Variants in WDR72 observed in about 807,000 individuals in gnomAD.
The protein encoded by WDR72 is WD repeat domain 72.
Under a neutral mutation model 124.2 loss-of-function variants are expected in WDR72, and 120 were observed. The ratio of observed to expected loss-of-function variants is 0.97; its 90% CI spans 0.83 to 1.12. The LOEUF (loss-of-function observed/expected upper bound fraction) is 1.12, where lower values mean the gene tolerates loss of function less well. Ranked by LOEUF, WDR72 falls within the 50% of genes most tolerant of loss-of-function variation. The pLI is 0.00. For synonymous variants in WDR72, 452 were observed against 441.7 expected (o/e 1.02, Z -0.29); for missense variants, 1,387 against 1,278.8 (o/e 1.08, Z -1.29).
At chr15:53,518,939 G>A (rs1595721774) in intron 19 of WDR72, among the ~76,000 whole-genome samples, 1 of 149,958 alleles carries the variant, frequency 6.7e-6, no homozygotes, top group South Asian at 2.2e-4. Context: ...TCTATTAATG[G>A]CAGAATGCAT....
chr15:53,640,810 A>C (rs17549560), intron 14 of WDR72, among the ~76,000 whole-genome samples: 52,708 of 151,868 alleles, frequency 0.35, 10,542 homozygotes, highest in Middle Eastern at 0.58. Flanking sequence ...CTGTGGCTTA[A>C]GTGTCAATCT....
At chr15:53,708,025 G>A (rs2017432200) in intron 9 of WDR72, among the ~76,000 whole-genome samples, 1 of 152,104 alleles carries the variant, frequency 6.6e-6, no homozygotes, top group Non-Finnish European at 1.5e-5. Flanking sequence ...CATCCCCTCT[G>A]CCTTCACCTT....
At chr15:53,577,667 C>G (rs1484206295) in intron 18 of WDR72, among the ~76,000 whole-genome samples, 1 of 152,058 alleles carries the variant, frequency 6.6e-6, no homozygotes, top group Non-Finnish European at 1.5e-5. Context: ...TAATGGGAAA[C>G]AGTTTCTTTT....
intron 15 of WDR72, 53 bp from the exon 16 acceptor site, chr15:53,613,810 G>A (rs1291837505): frequency 7.7e-7 from 1 of 1,295,932 alleles, no homozygotes; most frequent in Non-Finnish European, 1.1e-6. Flanking sequence ...AAAATTATTT[G>A]AGGAAATAAA....
At chr15:53,708,573 A>G (rs1432994553) in intron 9 of WDR72, among the ~76,000 whole-genome samples, 1 of 152,126 alleles carries the variant, frequency 6.6e-6, no homozygotes, top group Admixed American at 6.5e-5. Flanking sequence ...AATCCTGGGA[A>G]TTCACCTCTC....
chr15:53,653,938 C>A (rs2015328681), intron 14 of WDR72, among the ~76,000 whole-genome samples: 1 of 152,000 alleles, frequency 6.6e-6, no homozygotes, highest in Non-Finnish European at 1.5e-5. Context: ...TATGAACATT[C>A]TGAAATATTA....
chr15:53,630,145 C>T (rs946297915), intron 14 of WDR72, among the ~76,000 whole-genome samples: 1 of 151,942 alleles, frequency 6.6e-6, no homozygotes, highest in Non-Finnish European at 1.5e-5. Context: ...ACATAAACGA[C>T]CAAAACTGGC....
intron 14 of WDR72, among the ~76,000 whole-genome samples, chr15:53,651,577 G>A (rs1306620601): frequency 6.6e-6 from 1 of 152,184 alleles, no homozygotes; most frequent in Admixed American, 6.5e-5. Context: ...TTTTCAAGGA[G>A]CTTTAGGCCT....
intron 14 of WDR72, among the ~76,000 whole-genome samples, chr15:53,663,212 T>C (rs1261721341): frequency 6.6e-6 from 1 of 152,006 alleles, no homozygotes; most frequent in Non-Finnish European, 1.5e-5. Context: ...ATTAAAAAGA[T>C]ATAACTTAGG....
At chr15:53,577,527 C>T (rs567472928) in intron 18 of WDR72, among the ~76,000 whole-genome samples, 6 of 152,196 alleles carry the variant, frequency 3.9e-5, no homozygotes, top group East Asian at 3.9e-4. Context: ...AGAAAACTGG[C>T]TGGAGACACA....
chr15:53,609,588 C>G lies in WDR72; in HGVS notation c.2877G>C (p.Lys959Asn), dbSNP rs1297125725. The change falls in exon 17 of 20, where the codon AAG (lysine) becomes AAC (asparagine). Residue 959 changes from lysine to asparagine, a missense_variant. By Grantham distance (94) the Lys-to-Asn change is moderately conservative. Transcript: ENST00000360509. Reference sequence around the variant, plus strand: ...CAGCCTCAGGTACATGGGATTCATTCTTACCTAGAAATATACAGAACACAC... The same window carrying G: ...CAGCCTCAGGTACATGGGATTCATTGTTACCTAGAAATATACAGAACACAC... ...SSFYSCLRNG[K>N]NESHVPEADL... is the part of the protein sequence containing the mutation. The G allele has an allele frequency of 1.2e-6, 2 of 1,612,918 alleles. No individual in the cohort carries two copies. The highest frequency in any genetic ancestry group is 2.7e-5 in the African/African-American group (2 of 74,878).
chr15:53,592,346 T>C (rs1023981936), intron 18 of WDR72, among the ~76,000 whole-genome samples: 1 of 152,158 alleles, frequency 6.6e-6, no homozygotes, highest in East Asian at 1.9e-4. Flanking sequence ...ATAATGGCAG[T>C]CAGGGAAGAG....
intron 14 of WDR72, among the ~76,000 whole-genome samples, chr15:53,644,040 T>C (rs1049295534): frequency 2.4e-4 from 36 of 152,294 alleles, no homozygotes; most frequent in African/African-American, 8.7e-4. Context: ...AATATTGTTA[T>C]CTATTGTAAT....
chr15:53,664,166 C>T (rs1430146737), intron 14 of WDR72, among the ~76,000 whole-genome samples: 1 of 152,126 alleles, frequency 6.6e-6, no homozygotes, highest in African/African-American at 2.4e-5. Flanking sequence ...ATTCAACTCT[C>T]AGAGCTCAGT....
chr15:53,638,286 C>T (rs2014700911), intron 14 of WDR72, among the ~76,000 whole-genome samples: 2 of 152,156 alleles, frequency 1.3e-5, no homozygotes, highest in South Asian at 4.1e-4. Flanking sequence ...AAGGGCAGCT[C>T]CATCACTGCC....
At chr15:53,626,459 G>A (rs1040410138) in intron 14 of WDR72, among the ~76,000 whole-genome samples, 1 of 152,170 alleles carries the variant, frequency 6.6e-6, no homozygotes, top group African/African-American at 2.4e-5. Context: ...GCAGGTCTGC[G>A]AGGCGGCAAA....
intron 18 of WDR72, among the ~76,000 whole-genome samples, chr15:53,529,335 C>G (rs765121417): frequency 2.0e-5 from 3 of 151,678 alleles, no homozygotes; most frequent in Non-Finnish European, 4.4e-5. Flanking sequence ...TTGGGCATGC[C>G]GTTTCACTTC....
At chr15:53,631,566 G>A (rs576155643) in intron 14 of WDR72, among the ~76,000 whole-genome samples, 2 of 152,178 alleles carry the variant, frequency 1.3e-5, no homozygotes, top group Non-Finnish European at 2.9e-5. Context: ...GAAGAAGACA[G>A]GAAGATGAGG....
At chr15:53,520,102 AAATACGTTCGT>A (rs1437364062) in intron 19 of WDR72, among the ~76,000 whole-genome samples, 1 of 125,360 alleles carries the variant, frequency 8.0e-6, no homozygotes, top group African/African-American at 2.9e-5. Context: ...CTGCCTATGA[AAATACGTTCGT>A]ATTCACAATA....
Sources: gnomAD v4.1 joint callset for allele counts (sites outside exome capture counted in the v4.1 genomes callset) on GRCh38, gnomAD v4.1.1 for gene constraint, MANE v1.5 for transcripts, NCBI Gene and HGNC (gene_info 2026-07-23, HGNC 2026-07-21) for gene names.